Variants in CCZ1B observed in about 807,000 individuals in gnomAD.
The protein encoded by CCZ1B is vacuolar fusion protein CCZ1 homolog B.
CCZ1B carries 25 observed loss-of-function variants against 58.8 expected under a neutral mutation model. The observed-to-expected ratio is 0.43, with a 90% CI of 0.31 to 0.59. CCZ1B has a LOEUF of 0.59. CCZ1B is among the 20% of genes least tolerant of loss of function. The pLI is 0.12. For missense variants in CCZ1B, 180 were observed against 501.5 expected (o/e 0.36, Z 6.12); for synonymous variants, 66 against 173.2 (o/e 0.38, Z 4.86).
rs1329736269 is a variant in CCZ1B at position 6,822,411 on chromosome 7, C to G, written c.439-47G>C. On this transcript the variant is annotated intron_variant, in intron 5 of 14. Coordinates refer to ENST00000316731, the MANE Select transcript of CCZ1B (RefSeq NM_198097.5). Reference sequence around the variant, plus strand: ...GAAAAAAAAATCAGTTTCCTATGCTCACTTTTTCAGTATAACAAGTTCTTT... The same window carrying G: ...GAAAAAAAAATCAGTTTCCTATGCTGACTTTTTCAGTATAACAAGTTCTTT... The G allele has an allele frequency of 3.2e-6, 5 of 1,572,434 alleles. 1 individual carries two copies. Among genetic ancestry groups the G allele is most frequent in the Non-Finnish European group, 4.3e-6 (5 of 1,167,248 alleles).
intron 7 of CCZ1B, among the ~76,000 whole-genome samples, chr7:6,816,213 C>G: frequency 6.7e-6 from 1 of 148,780 alleles, no homozygotes; most frequent in East Asian, 1.9e-4. Context: ...GGCGCGGAAG[C>G]TCACACCTGT....
chr7:6,817,642 T>A (rs1442380525), intron 7 of CCZ1B, among the ~76,000 whole-genome samples: 1 of 149,832 alleles, frequency 6.7e-6, no homozygotes, highest in Non-Finnish European at 1.5e-5. Flanking sequence ...TTTAGTAACA[T>A]TGTGTACATA....
intron 7 of CCZ1B, among the ~76,000 whole-genome samples, chr7:6,819,123 GAAAAAAAAAAAA>G (rs1173368085): frequency 1.5e-5 from 1 of 65,656 alleles, no homozygotes; most frequent in African/African-American, 6.7e-5. Context: ...ATCTCTATAA[GAAAAAAAAAAAA>G]AAAAAAAAAA....
At chr7:6,810,493 C>T (rs1020738521) in intron 10 of CCZ1B, among the ~76,000 whole-genome samples, 17 of 148,256 alleles carry the variant, frequency 1.1e-4, no homozygotes, top group African/African-American at 4.1e-4. Flanking sequence ...CACTCTGTCA[C>T]CCAGGCTAGA....
chr7:6,819,282 C>CTGGG (rs1783071209), intron 7 of CCZ1B, among the ~76,000 whole-genome samples: 1 of 145,382 alleles, frequency 6.9e-6, no homozygotes, highest in Non-Finnish European at 1.5e-5. Flanking sequence ...TGTTGCCAGG[C>CTGGG]TGGGGTACAG....
At chr7:6,813,127 C>T in intron 8 of CCZ1B, 90 bp from the exon 9 acceptor site, 1 of 1,092,360 alleles carries the variant, frequency 9.2e-7, no homozygotes. Flanking sequence ...CTAATTGGTT[C>T]CATGCCATTT....
chr7:6,825,661 A>ACACCCACACACC, intron 1 of CCZ1B, among the ~76,000 whole-genome samples: 1 of 124,878 alleles, frequency 8.0e-6, no homozygotes, highest in African/African-American at 3.2e-5. Flanking sequence ...ACACACACAC[A>ACACCCACACACC]CACCCCTCCC....
intron 6 of CCZ1B, among the ~76,000 whole-genome samples, chr7:6,820,842 G>T (rs1211324658): frequency 6.9e-6 from 1 of 145,834 alleles, no homozygotes; most frequent in African/African-American, 2.6e-5. Flanking sequence ...TTGAACTTGG[G>T]AGACTAAGGT....
chr7:6,820,179 C>T (rs1053561540), intron 6 of CCZ1B, among the ~76,000 whole-genome samples: 5 of 149,250 alleles, frequency 3.4e-5, no homozygotes, highest in Non-Finnish European at 7.4e-5. Flanking sequence ...TGTTTTACTG[C>T]TTTAAATTTA....
At chr7:6,823,489 G>A in intron 4 of CCZ1B, 129 bp from the exon 5 acceptor site, 2 of 1,312,448 alleles carry the variant, frequency 1.5e-6, no homozygotes, top group Admixed American at 2.9e-5. Flanking sequence ...CACAATAGTT[G>A]CGTGCTGAAA....
chr7:6,812,442 T>C (rs1037268406), intron 9 of CCZ1B: 5 of 280,890 alleles, frequency 1.8e-5, no homozygotes, highest in South Asian at 3.2e-5. Context: ...TGAGCTGAGA[T>C]CGTGCCACTG....
intron 6 of CCZ1B, among the ~76,000 whole-genome samples, chr7:6,821,123 C>T (rs1783103456): frequency 6.7e-6 from 1 of 148,858 alleles, no homozygotes; most frequent in Admixed American, 6.7e-5. Flanking sequence ...ATTCTCCTGC[C>T]TCAGCCTCCA....
chr7:6,821,885 C>T (rs1197617165), intron 6 of CCZ1B, among the ~76,000 whole-genome samples: 1 of 149,780 alleles, frequency 6.7e-6, no homozygotes, highest in Non-Finnish European at 1.5e-5. Flanking sequence ...AGTTTACGCC[C>T]GTTTAGTGAA....
At chr7:6,813,437 G>C (rs185690932) in intron 8 of CCZ1B, among the ~76,000 whole-genome samples, 1 of 149,318 alleles carries the variant, frequency 6.7e-6, no homozygotes, top group Non-Finnish European at 1.5e-5. Context: ...AATTAACCAG[G>C]TGTGGTGGCA....
At chr7:6,822,495 T>C in intron 5 of CCZ1B, 131 bp from the exon 6 acceptor site, 2 of 1,389,160 alleles carry the variant, frequency 1.4e-6, no homozygotes, top group Non-Finnish European at 1.9e-6. Flanking sequence ...CAACAGAGAA[T>C]ATTTACGTGA....
intron 7 of CCZ1B, among the ~76,000 whole-genome samples, chr7:6,815,927 G>A (rs1345281238): frequency 1.4e-5 from 2 of 145,782 alleles, no homozygotes; most frequent in Non-Finnish European, 3.0e-5. Context: ...GAAAATATGG[G>A]TATGCTGTAG....
intron 8 of CCZ1B, among the ~76,000 whole-genome samples, chr7:6,813,669 C>T (rs1434889714): frequency 1.3e-5 from 2 of 149,494 alleles, no homozygotes; most frequent in African/African-American, 5.1e-5. Context: ...GGGGAGAACA[C>T]AGTGATATCA....
At chr7:6,815,975 G>C (rs1782993619) in intron 7 of CCZ1B, among the ~76,000 whole-genome samples, 1 of 145,468 alleles carries the variant, frequency 6.9e-6, no homozygotes, top group Non-Finnish European at 1.5e-5. Flanking sequence ...AATGTACATG[G>C]ATTTTAATTC....
chr7:6,821,818 C>T (rs1458730410), intron 6 of CCZ1B, among the ~76,000 whole-genome samples: 1 of 150,414 alleles, frequency 6.6e-6, no homozygotes, highest in Non-Finnish European at 1.5e-5. Flanking sequence ...ACAAATCTCC[C>T]CAATCGCTAA....
Sources: gnomAD v4.1 joint callset for allele counts (sites outside exome capture counted in the v4.1 genomes callset) on GRCh38, gnomAD v4.1.1 for gene constraint, MANE v1.5 for transcripts, NCBI Gene and HGNC (gene_info 2026-07-23, HGNC 2026-07-21) for gene names.